CUX1: variants seen among roughly 807,000 people sequenced by gnomAD.
CUX1 encodes cut like homeobox 1, also known as protein CASP.
A neutral mutation model predicts 158.8 loss-of-function variants in CUX1; 31 were observed. The ratio of observed to expected loss-of-function variants is 0.20; its 90% confidence interval spans 0.15 to 0.26. The LOEUF (loss-of-function observed/expected upper bound fraction) is 0.26. CUX1 is among the 10% of genes least tolerant of loss of function. The pLI is 1.00. For missense variants in CUX1, 1,589 were observed against 2,014.6 expected, an observed-to-expected ratio of 0.79 and a Z score of 4.04; for synonymous variants, 879 against 862.1, an observed-to-expected ratio of 1.02 and a Z score of -0.34.
At chr7:102,059,252 C>T (rs1339188047) in intron 3 of CUX1, among the ~76,000 whole-genome samples, 1 of 152,124 alleles carries the variant, frequency 6.6e-6, no homozygotes, top group Non-Finnish European at 1.5e-5. Flanking sequence ...TTGTGCTGTC[C>T]CCTGCCACAA....
chr7:101,895,902 G>GTTTTTTTTTTTTTTT (rs1193952295), intron 1 of CUX1, among the ~76,000 whole-genome samples: 1 of 40,466 alleles, frequency 2.5e-5, no homozygotes, highest in African/African-American at 1.3e-4. Flanking sequence ...TTTTTTTTTT[G>GTTTTTTTTTTTTTTT]TTTTTGTTTT....
chr7:102,027,475 C>T (rs955446259), intron 2 of CUX1, among the ~76,000 whole-genome samples: 5 of 152,144 alleles, frequency 3.3e-5, no homozygotes, highest in Admixed American at 2.0e-4. Flanking sequence ...TTATTCTAAG[C>T]AGATTATCTC....
intron 4 of CUX1, among the ~76,000 whole-genome samples, chr7:102,085,546 G>T (rs138712308): frequency 2.0e-3 from 310 of 152,320 alleles, no homozygotes; most frequent in Non-Finnish European, 3.6e-3. Flanking sequence ...CTGCTGCCAT[G>T]TGAGGAAGGA....
intron 2 of CUX1, among the ~76,000 whole-genome samples, chr7:102,014,486 G>A (rs1818374546): frequency 6.6e-6 from 1 of 152,218 alleles, no homozygotes; most frequent in East Asian, 1.9e-4. Flanking sequence ...AAAACTGGAT[G>A]AAACTAAGTT....
chr7:102,061,739 A>G (rs1472365200), intron 3 of CUX1, among the ~76,000 whole-genome samples: 1 of 152,182 alleles, frequency 6.6e-6, no homozygotes, highest in African/African-American at 2.4e-5. Context: ...ATTTCAAAAT[A>G]CACAGCACTT....
chr7:101,931,957 T>A (rs1187694965), intron 2 of CUX1, among the ~76,000 whole-genome samples: 2 of 152,240 alleles, frequency 1.3e-5, no homozygotes, highest in Non-Finnish European at 2.9e-5. Context: ...TGATTGATTG[T>A]TTTAGATTTC....
At chr7:102,164,897 A>G (rs1292457456) in intron 9 of CUX1, among the ~76,000 whole-genome samples, 1 of 152,094 alleles carries the variant, frequency 6.6e-6, no homozygotes, top group African/African-American at 2.4e-5. Context: ...ACCTGGGGCC[A>G]AGAAGGGGGT....
At chr7:102,199,380 A>C (rs1251852672) in intron 16 of CUX1, among the ~76,000 whole-genome samples, 1 of 152,216 alleles carries the variant, frequency 6.6e-6, no homozygotes, top group East Asian at 1.9e-4. Context: ...GTAAGAAATT[A>C]AACTATCCGG....
chr7:102,088,412 C>T (rs1487439650), intron 4 of CUX1, among the ~76,000 whole-genome samples: 9 of 152,032 alleles, frequency 5.9e-5, no homozygotes, highest in South Asian at 2.1e-4. Flanking sequence ...GCGGGCAGAT[C>T]GCTTGAGGTC....
intron 7 of CUX1, among the ~76,000 whole-genome samples, chr7:102,112,531 G>A (rs560140651): frequency 2.0e-5 from 3 of 151,324 alleles, no homozygotes; most frequent in Non-Finnish European, 4.4e-5. Context: ...GTGAGCCACC[G>A]CGCCCAGCCC....
chr7:101,829,877 C>T (rs1028551562), intron 1 of CUX1, among the ~76,000 whole-genome samples: 1 of 151,802 alleles, frequency 6.6e-6, no homozygotes, highest in South Asian at 2.1e-4. Context: ...AGGAGCCCCC[C>T]TGTTGCATTA....
intron 2 of CUX1, among the ~76,000 whole-genome samples, chr7:101,979,863 A>T (rs1013502639): frequency 9.2e-5 from 14 of 152,322 alleles, no homozygotes; most frequent in South Asian, 2.1e-4. Context: ...TTAACAGGCC[A>T]GGCTGGTCAC....
intron 10 of CUX1, among the ~76,000 whole-genome samples, chr7:102,175,879 C>T (rs1792262227): frequency 6.6e-6 from 1 of 152,236 alleles, no homozygotes; most frequent in African/African-American, 2.4e-5. Flanking sequence ...TAAAATGTCA[C>T]CGAAATGCCG....
intron 5 of CUX1, among the ~76,000 whole-genome samples, chr7:102,101,707 C>T (rs966717161): frequency 4.6e-5 from 7 of 151,978 alleles, no homozygotes; most frequent in African/African-American, 1.5e-4. Context: ...GTCAGGAGTT[C>T]GAGACCAGCC....
chr7:102,194,734 C>T (rs1002480460), intron 13 of CUX1, among the ~76,000 whole-genome samples: 17 of 151,300 alleles, frequency 1.1e-4, no homozygotes, highest in African/African-American at 3.4e-4. Flanking sequence ...TTAAAATTGA[C>T]ATCCCAGACC....
intron 8 of CUX1, among the ~76,000 whole-genome samples, chr7:102,155,606 CT>C (rs150614171): frequency 0.064 from 9,727 of 152,116 alleles, 368 homozygotes; most frequent in African/African-American, 0.077. Context: ...AGTTTGCAAG[CT>C]TTTATTTTGT....
intron 1 of CUX1, among the ~76,000 whole-genome samples, chr7:101,830,799 C>T (rs1196657817): frequency 1.3e-5 from 2 of 152,110 alleles, no homozygotes; most frequent in African/African-American, 2.4e-5. Flanking sequence ...TAATGATGCA[C>T]TTTGTTTTGT....
At chr7:102,040,788 G>A (rs1821970434) in intron 3 of CUX1, among the ~76,000 whole-genome samples, 2 of 152,150 alleles carry the variant, frequency 1.3e-5, no homozygotes, top group Non-Finnish European at 2.9e-5. Context: ...AGGCGCTGCC[G>A]CCCACCACCT....
chr7:101,882,531 C>T (rs984417622), intron 1 of CUX1, among the ~76,000 whole-genome samples: 6 of 152,220 alleles, frequency 3.9e-5, no homozygotes, highest in Admixed American at 6.5e-5. Context: ...TGCATGAAGA[C>T]ACCTACAGAA....
Sources: allele counts gnomAD v4.1 joint callset (sites outside exome capture counted in the v4.1 genomes callset), GRCh38; gene constraint gnomAD v4.1.1; transcripts MANE v1.5; gene names NCBI Gene and HGNC (gene_info 2026-07-23, HGNC 2026-07-21).